The following JADE1 variants were observed in gnomAD, a reference collection of about 807,000 sequenced individuals.
The protein encoded by JADE1 is protein Jade-1.
Under a neutral mutation model 81.8 loss-of-function variants are expected in JADE1, and 14 were observed. That is an observed-to-expected ratio of 0.17 (90% CI 0.11 to 0.27). The LOEUF is 0.27. JADE1 is among the 10% of genes least tolerant of loss of function. The probability of loss-of-function intolerance (pLI) is 1.00; values close to 1 mark genes in which losing one functional copy is unlikely to be tolerated. For missense variants in JADE1, 690 were observed against 1,047.9 expected, an observed-to-expected ratio of 0.66 and a Z score of 4.71; for synonymous variants, 353 against 391.9, an observed-to-expected ratio of 0.90 and a Z score of 1.17.
Position 128,863,058 on chromosome 4 carries a change from A to G in JADE1, c.1503+833A>G, listed in dbSNP as rs142198827. 28 of 985,422 alleles carry G rather than the reference A, an allele frequency of 2.8e-5. No homozygotes were observed. In the African/African-American group the frequency reaches 3.7e-4, roughly 13 times the overall value. 61.0% of individuals were successfully genotyped at this position (985,422 alleles called of 1,614,324 possible). A position where few individuals can be genotyped will look rare whatever the true frequency, so the allele number is the denominator to read the frequency against. On this transcript the variant is annotated intron_variant, in intron 9 of 10. Coordinates refer to ENST00000226319, the MANE Select transcript of JADE1 (RefSeq NM_199320.4). ...CAGATGTGTTGTTTGTCACACTGAG[A>G]TTGCTGAATGTCGTGGCTGTTGGCT... is the stretch of plus-strand genomic sequence containing the variant.
At chr4:128,868,054 T>G in intron 10 of JADE1, 81 bp downstream of exon 10, 1 of 669,772 alleles carries the variant, frequency 1.5e-6, no homozygotes, top group Admixed American at 2.4e-5. Flanking sequence ...AATAATCATT[T>G]CTTAATTTTC....
At chr4:128,859,557 A>G (rs1003345131) in intron 8 of JADE1, among the ~76,000 whole-genome samples, 1 of 107,018 alleles carries the variant, frequency 9.3e-6, no homozygotes, top group African/African-American at 2.6e-5. Context: ...GTATATGTGT[A>G]TGTGTGTGAG....
chr4:128,826,548 T>C (rs1407774206), intron 1 of JADE1, among the ~76,000 whole-genome samples: 1 of 151,260 alleles, frequency 6.6e-6, no homozygotes, highest in Admixed American at 6.6e-5. Context: ...TTTTTTTTTT[T>C]CAGTAGAGAC....
Position 128,846,391 on chromosome 4 carries a change from T to C in JADE1, c.155T>C (p.Leu52Pro). ...CCTTTCCAGGTGTTTAGGACAGACC[T>C]GATCACTGCCATGAAGTTGCATGAC... ...RKPSEVFRTD[L>P]ITAMKLHDSY... Residue 52 changes from leucine (L) to proline (P), a missense_variant, in exon 4 of 11, where the codon CTG (leucine) becomes CCG (proline). Coordinates refer to ENST00000226319, the MANE Select transcript of JADE1 (RefSeq NM_199320.4). This position sits in a 1 kb window ranked among gnomAD's most constrained non-coding sequence, Gnocchi z 4.0. 1 of 1,614,206 alleles carries C rather than the reference T, an allele frequency of 6.2e-7. No homozygotes were observed. The highest frequency in any genetic ancestry group is 1.3e-5 in the African/African-American group (1 of 75,058).
intron 1 of JADE1, among the ~76,000 whole-genome samples, chr4:128,814,545 A>G (rs1726811409): frequency 6.6e-6 from 1 of 151,604 alleles, no homozygotes; most frequent in African/African-American, 2.4e-5. Context: ...ATACATGAAT[A>G]TACCATCTGT....
rs1308689239 is a variant in JADE1, at chr4:128,846,944, G to A, written c.296+412G>A. On this transcript the variant is annotated intron_variant, in intron 4 of 10. Transcript: ENST00000226319. The surrounding 1 kb of genome is among the most constrained non-coding windows in gnomAD (Gnocchi z 4.0). The stretch of plus-strand genomic sequence containing the variant: ...ATCTGGCTTTGTTGGGAACTAGCGC[G>A]GGCAGCTGCTCTGCCTACTGCGGTT... 2.0e-5 allele frequency among the ~76,000 whole-genome samples: 3 copies of A among 152,200 alleles called. No individual in the cohort carries two copies. Among genetic ancestry groups the A allele is most frequent in the East Asian group, 1.9e-4 (1 of 5,198 alleles).
chr4:128,810,347 A>G (rs1046119411), intron 1 of JADE1: 4 of 146,098 alleles, frequency 2.7e-5, no homozygotes, highest in African/African-American at 7.6e-5. Context: ...ACTTAGAGCT[A>G]TTTCTTCTTT....
chr4:128,851,681 G>T (rs1730369202), intron 5 of JADE1, among the ~76,000 whole-genome samples: 1 of 152,108 alleles, frequency 6.6e-6, no homozygotes, highest in Admixed American at 6.5e-5. Flanking sequence ...TTGATTGATA[G>T]ATTGAGACAC....
At chr4:128,821,517 G>T in intron 1 of JADE1, among the ~76,000 whole-genome samples, 1 of 149,094 alleles carries the variant, frequency 6.7e-6, no homozygotes, top group African/African-American at 2.5e-5. Context: ...TTTTTGAGAG[G>T]GAATCTCACT....
chr4:128,838,170 A>G (rs976331240), intron 2 of JADE1, among the ~76,000 whole-genome samples: 1 of 152,208 alleles, frequency 6.6e-6, no homozygotes, highest in Non-Finnish European at 1.5e-5. Flanking sequence ...TGTGCCTTTT[A>G]TAACTTTATA....
chr4:128,857,506 G>A (rs1730894124), intron 8 of JADE1, 52 bp downstream of exon 8: 3 of 1,382,980 alleles, frequency 2.2e-6, no homozygotes, highest in East Asian at 4.6e-5. Flanking sequence ...GTGGTGGGGA[G>A]CAGGATGAGG....
chr4:128,846,761 C>T lies in JADE1; in HGVS notation c.296+229C>T, dbSNP rs1729904602. 2.6e-5 allele frequency among the ~76,000 whole-genome samples: 4 copies of T among 152,228 alleles called. No individual in the cohort carries two copies. Among genetic ancestry groups the T allele is most frequent in the Admixed American group, 2.6e-4 (4 of 15,288 alleles). ...TCCAAACTTAACATTACAGCCACCA[C>T]TGTGGGGAGGTGCTGCTTTCTTATG... On this transcript the variant is annotated intron_variant, in intron 4 of 10. Transcript: ENST00000226319. This position sits in a 1 kb window ranked among gnomAD's most constrained non-coding sequence, Gnocchi z 4.0.
At chr4:128,870,603 T>C (rs1732117374) in intron 10 of JADE1, among the ~76,000 whole-genome samples, 1 of 152,172 alleles carries the variant, frequency 6.6e-6, no homozygotes, top group African/African-American at 2.4e-5. Flanking sequence ...TCAGAGTACA[T>C]TATCAAATGA....
intron 2 of JADE1, among the ~76,000 whole-genome samples, chr4:128,836,737 G>GTTTTT (rs11443617): frequency 7.5e-6 from 1 of 133,164 alleles, no homozygotes; most frequent in Non-Finnish European, 1.6e-5. Flanking sequence ...GATCAGCACT[G>GTTTTT]TTTTTTTTTT....
Position 128,845,147 on chromosome 4 carries a change from C to T in JADE1, c.139-1228C>T, listed in dbSNP as rs532991104. 5.3e-5 allele frequency among the ~76,000 whole-genome samples: 8 copies of T among 152,308 alleles called. No individual in the cohort carries two copies. The South Asian group carries it at 1.2e-3, about 24-fold the overall frequency. On this transcript the variant is annotated intron_variant, in intron 3 of 10. Coordinates refer to ENST00000226319, the MANE Select transcript of JADE1 (RefSeq NM_199320.4). ...GCCTTAGACACCAGTGGGCCAAGGACGAGGCTTGAGAGGGAGCCAGCTGTG... is the reference window on the plus strand; with the variant it reads ...GCCTTAGACACCAGTGGGCCAAGGATGAGGCTTGAGAGGGAGCCAGCTGTG...
intron 9 of JADE1, 113 bp downstream of exon 9, chr4:128,862,338 A>G (rs1731408037): frequency 2.7e-6 from 4 of 1,503,682 alleles, no homozygotes; most frequent in African/African-American, 2.8e-5. Context: ...ACCCTTGTAC[A>G]CACCACAGCA....
intron 2 of JADE1, among the ~76,000 whole-genome samples, chr4:128,838,450 A>T (rs953586852): frequency 1.1e-4 from 17 of 152,236 alleles, no homozygotes; most frequent in Non-Finnish European, 1.8e-4. Context: ...TGAAAGCGAA[A>T]AGAAAGTAAA....
intron 9 of JADE1, among the ~76,000 whole-genome samples, chr4:128,867,112 C>T (rs955564419): frequency 4.6e-5 from 7 of 152,118 alleles, no homozygotes; most frequent in Non-Finnish European, 7.3e-5. Context: ...CAGTTACAAG[C>T]GAATCGGGAG....
chr4:128,848,882 C>G (rs188223846), intron 4 of JADE1, 98 bp from the exon 5 acceptor site: 50 of 1,182,686 alleles, frequency 4.2e-5, no homozygotes, highest in East Asian at 3.8e-4. Context: ...ACCTGGGGCT[C>G]TAAGGGTTGG....
Sources: gnomAD v4.1 joint callset for allele counts (sites outside exome capture counted in the v4.1 genomes callset) on GRCh38, gnomAD v4.1.1 for gene constraint, Gnocchi (gnomAD v3.1) non-coding constraint, MANE v1.5 for transcripts, NCBI Gene and HGNC (gene_info 2026-07-23, HGNC 2026-07-21) for gene names.